The following MAP3K2 variants were observed in gnomAD, a reference collection of about 807,000 sequenced individuals.
MAP3K2 encodes the protein mitogen-activated protein kinase kinase kinase 2.
Under a neutral mutation model 80.3 loss-of-function variants are expected in MAP3K2, and 24 were observed. The observed-to-expected ratio is 0.30, with a 90% CI of 0.22 to 0.42. The LOEUF (loss-of-function observed/expected upper bound fraction) is 0.42, where lower values mean the gene tolerates loss of function less well. Ranked by LOEUF, MAP3K2 falls within the 10% of genes least tolerant of loss-of-function variation. MAP3K2 has a pLI of 1.00. For missense variants in MAP3K2, 608 were observed against 750.1 expected, an observed-to-expected ratio of 0.81 and a Z score of 2.21; for synonymous variants, 244 against 253.7, an observed-to-expected ratio of 0.96 and a Z score of 0.36.
chr2:127,378,456 ACATTT>A (rs1443404231), intron 1 of MAP3K2, among the ~76,000 whole-genome samples: 1 of 152,208 alleles, frequency 6.6e-6, no homozygotes, highest in African/African-American at 2.4e-5. Context: ...TCAAACCAAT[ACATTT>A]ATGTTCCCAT....
intron 1 of MAP3K2, among the ~76,000 whole-genome samples, chr2:127,346,928 G>A (rs1160505381): frequency 6.6e-6 from 1 of 152,064 alleles, no homozygotes; most frequent in African/African-American, 2.4e-5. Flanking sequence ...GCAGAGGTTG[G>A]CAGTGAGCAG....
At chr2:127,344,886 G>A (rs1304482077) in intron 1 of MAP3K2, among the ~76,000 whole-genome samples, 1 of 152,108 alleles carries the variant, frequency 6.6e-6, no homozygotes, top group Admixed American at 6.5e-5. Context: ...GGGACAGGAG[G>A]AGGGTCTTGC....
In MAP3K2 at chr2:127,363,016, T is replaced by C. The variant is rs947032693; in HGVS notation, c.-65-19822A>G. The stretch of plus-strand genomic sequence containing the variant: ...CAATAAAAAAACACAAAAAATGCCG[T>C]GTAACAATAATTTACACAGCACTTA... On this transcript the variant is annotated intron_variant, in intron 1 of 16. Coordinates refer to ENST00000682094, the MANE Select transcript of MAP3K2 (RefSeq NM_001371910.2). 7.2e-5 allele frequency among the ~76,000 whole-genome samples: 11 copies of C among 152,274 alleles called. No individual in the cohort carries two copies. The South Asian group carries it at 1.5e-3, about 20-fold the overall frequency.
intron 1 of MAP3K2, among the ~76,000 whole-genome samples, chr2:127,358,954 T>C (rs1020597914): frequency 7.9e-5 from 12 of 151,928 alleles, no homozygotes; most frequent in Non-Finnish European, 1.6e-4. Context: ...CTAGATACTA[T>C]TGATTCCAAC....
intron 1 of MAP3K2, chr2:127,378,229 T>G (rs1332181761): frequency 1.3e-6 from 1 of 780,484 alleles, no homozygotes; most frequent in Non-Finnish European, 1.6e-6. Flanking sequence ...TTGAAAGAGC[T>G]GAAACAAAAC....
intron 1 of MAP3K2, among the ~76,000 whole-genome samples, chr2:127,345,013 T>A (rs989589444): frequency 6.6e-6 from 1 of 152,102 alleles, no homozygotes; most frequent in Admixed American, 6.6e-5. Context: ...TACAGGTGCA[T>A]GCTATCACAC....
At chr2:127,367,569 T>G (rs952857831) in intron 1 of MAP3K2, among the ~76,000 whole-genome samples, 2 of 151,658 alleles carry the variant, frequency 1.3e-5, no homozygotes, top group African/African-American at 4.8e-5. Flanking sequence ...GAGGCAGGCA[T>G]ATTACCTGAG....
chr2:127,322,359 C>T lies in MAP3K2; in HGVS notation c.839-107G>A. ...AATAGAAATTTGTCCTGTGACTAGG[C>T]TAAGAAACTCAAATAGGAATGATTG... On this transcript the variant is annotated intron_variant, in intron 11 of 16. Coordinates refer to ENST00000682094, the MANE Select transcript of MAP3K2 (RefSeq NM_001371910.2). This position sits in a 1 kb window ranked among gnomAD's most constrained non-coding sequence, Gnocchi z 4.2. The T allele has an allele frequency of 1.5e-6, 1 of 663,258 alleles. No individual in the cohort carries two copies. The highest frequency in any genetic ancestry group is 2.7e-5 in the East Asian group (1 of 36,524). The allele number at this position is 663,258 out of a possible 1,614,324, so 41.1% of individuals were successfully genotyped here. A position where few individuals can be genotyped will look rare whatever the true frequency, so the allele number is the denominator to read the frequency against.
At chr2:127,381,595 TACC>T (rs1331510879) in intron 1 of MAP3K2, among the ~76,000 whole-genome samples, 1 of 152,210 alleles carries the variant, frequency 6.6e-6, no homozygotes. Context: ...CAGCAAAAGA[TACC>T]ACAACTATTA....
intron 9 of MAP3K2, 35 bp from the exon 10 acceptor site, chr2:127,324,276 A>C: frequency 8.1e-7 from 1 of 1,240,612 alleles, no homozygotes; most frequent in South Asian, 1.4e-5. Flanking sequence ...AGTTTACAGA[A>C]AGAACGTAAG....
intron 1 of MAP3K2, among the ~76,000 whole-genome samples, chr2:127,348,709 TGTA>T (rs1449857965): frequency 2.0e-5 from 3 of 152,160 alleles, no homozygotes; most frequent in Non-Finnish European, 2.9e-5. Context: ...ATTACTGAAT[TGTA>T]GTATTTAAAA....
rs1354813086 is a variant in MAP3K2, at chr2:127,387,778, G to C, written c.-392C>G. The C allele has an allele frequency of 2.0e-6, 2 of 985,118 alleles. No individual in the cohort carries two copies. The highest frequency in any genetic ancestry group is 2.4e-6 in the Non-Finnish European group (2 of 829,832). 61.0% of individuals were successfully genotyped at this position (985,118 alleles called of 1,614,324 possible). On this transcript the variant is annotated 5_prime_UTR_variant, in exon 1 of 17. Transcript: ENST00000682094. Reference sequence around the variant, plus strand: ...TGGGCAGGAAAGGAGGAAGCCGCGGGCCCGCGTCGCTAGAGACCGGAGAAG... The same window carrying C: ...TGGGCAGGAAAGGAGGAAGCCGCGGCCCCGCGTCGCTAGAGACCGGAGAAG...
At chr2:127,334,129 G>A (rs2104837252) in intron 5 of MAP3K2, among the ~76,000 whole-genome samples, 1 of 151,920 alleles carries the variant, frequency 6.6e-6, no homozygotes, top group Admixed American at 6.6e-5. Context: ...AAACCAGTTA[G>A]CTTGATGTCA....
At position 127,300,045 on chromosome 2, in the gene MAP3K2, T is replaced by C. The variant is rs1340623524; in HGVS notation, c.*7534A>G. The C allele has an allele frequency of 6.6e-6, 1 of 152,142 alleles. No homozygotes were observed. The highest frequency in any genetic ancestry group is 2.4e-5 in the African/African-American group (1 of 41,456). 9.4% of individuals were successfully genotyped at this position (152,142 alleles called of 1,614,324 possible). A position where few individuals can be genotyped will look rare whatever the true frequency, so the allele number is the denominator to read the frequency against. On this transcript the variant is annotated 3_prime_UTR_variant, in exon 17 of 17. Coordinates refer to ENST00000682094, the MANE Select transcript of MAP3K2 (RefSeq NM_001371910.2). ...TATAATACATTATAAAATTTTCTAA[T>C]TTCTATTAATGTCGAACTCCTGAGT... is the stretch of plus-strand genomic sequence containing the variant.
chr2:127,383,489 G>A (rs1209875138), intron 1 of MAP3K2, among the ~76,000 whole-genome samples: 3 of 152,052 alleles, frequency 2.0e-5, no homozygotes, highest in Admixed American at 2.0e-4. Context: ...ATCGTCATTG[G>A]TGTATAGAAA....
intron 2 of MAP3K2, among the ~76,000 whole-genome samples, chr2:127,341,537 T>C (rs1573993221): frequency 7.1e-6 from 1 of 139,974 alleles, no homozygotes; most frequent in East Asian, 2.0e-4. Context: ...GTTGTTTTTT[T>C]TTTTTTTTTT....
At chr2:127,387,106 C>T (rs556275433) in intron 1 of MAP3K2, among the ~76,000 whole-genome samples, 15 of 152,336 alleles carry the variant, frequency 9.8e-5, no homozygotes, top group African/African-American at 3.6e-4. Context: ...CACACTGTGA[C>T]AGTGCAAAGA....
Position 127,325,734 on chromosome 2 carries a change from A to G in MAP3K2, c.671T>C (p.Leu224Ser). Reference protein sequence around the residue: ...SGSCPSLDSPLDGESYPKSRM... With the variant: ...SGSCPSLDSPSDGESYPKSRM... ...AAACTACGATAAACATTACCCATCC[A>G]AAGGACTATCAAGTGATGGACAACT... Residue 224 changes from leucine to serine, a missense_variant, in exon 9 of 17, where the codon TTG becomes TCG. Around this residue, in one of 4 missense-constraint regions of MAP3K2, gnomAD observed 467 missense variants for 521.9 expected, o/e 0.89. Transcript: ENST00000682094. 6.2e-7 allele frequency: 1 copy of G among 1,610,894 alleles called. No individual in the cohort carries two copies. Among genetic ancestry groups the G allele is most frequent in the South Asian group, 1.1e-5 (1 of 90,962 alleles).
intron 1 of MAP3K2, among the ~76,000 whole-genome samples, chr2:127,373,318 G>A (rs1179408555): frequency 1.3e-5 from 2 of 152,166 alleles, no homozygotes; most frequent in African/African-American, 4.8e-5. Flanking sequence ...TTTAATCATA[G>A]CACCTGAAAA....
Sources: gnomAD v4.1 joint callset for allele counts (sites outside exome capture counted in the v4.1 genomes callset) on GRCh38, gnomAD v4.1.1 for gene constraint, gnomAD v4.1.1 regional missense constraint, Gnocchi (gnomAD v3.1) non-coding constraint, MANE v1.5 for transcripts, NCBI Gene and HGNC (gene_info 2026-07-23, HGNC 2026-07-21) for gene names.